NTRK3: variants seen among roughly 807,000 people sequenced by gnomAD.
NTRK3 encodes the protein NT-3 growth factor receptor.
NTRK3 carries 24 observed loss-of-function variants against 91.7 expected under a neutral mutation model. That is an observed-to-expected ratio of 0.26 (90% CI 0.19 to 0.37). The LOEUF (loss-of-function observed/expected upper bound fraction) is 0.37, where lower values mean the gene tolerates loss of function less well. Among genes scored for constraint, NTRK3 ranks in the 10% least tolerant of loss-of-function variants. The pLI is 1.00. For missense variants in NTRK3, 880 were observed against 1,068.9 expected (o/e 0.82, Z 2.46); for synonymous variants, 483 against 404.0 (o/e 1.20, Z -2.34).
chr15:88,101,584 A>G (rs1242838122), intron 13 of NTRK3, among the ~76,000 whole-genome samples: 2 of 152,264 alleles, frequency 1.3e-5, no homozygotes, highest in Non-Finnish European at 2.9e-5. Context: ...TTATCGCGGC[A>G]CTATTCACAA....
intron 5 of NTRK3, among the ~76,000 whole-genome samples, chr15:88,177,882 G>A (rs554657329): frequency 2.5e-4 from 38 of 152,252 alleles, no homozygotes; most frequent in East Asian, 1.7e-3. Context: ...CTTTCCAGAC[G>A]TTGTCTTATT....
intron 14 of NTRK3, among the ~76,000 whole-genome samples, chr15:88,000,833 C>T (rs1459159313): frequency 2.6e-5 from 4 of 152,148 alleles, no homozygotes; most frequent in African/African-American, 9.7e-5. Context: ...CAAGTTTTTG[C>T]ATGAACACGT....
At chr15:87,990,636 A>G (rs974078378) in intron 14 of NTRK3, among the ~76,000 whole-genome samples, 2 of 152,190 alleles carry the variant, frequency 1.3e-5, no homozygotes, top group African/African-American at 4.8e-5. Context: ...TTTGTTTCCA[A>G]AACTAACCCT....
intron 14 of NTRK3, among the ~76,000 whole-genome samples, chr15:88,024,055 C>T (rs2077815916): frequency 1.3e-5 from 2 of 152,216 alleles, no homozygotes; most frequent in Non-Finnish European, 2.9e-5. Context: ...CGCTGATGCA[C>T]TGTTAATACT....
chr15:87,870,572 C>G (rs1424379411), exon 19 of NTRK3: 1 of 206,716 alleles, frequency 4.8e-6, no homozygotes, highest in Non-Finnish European at 9.9e-6. Flanking sequence ...CCCCAATAAC[C>G]TATGGAAATA....
chr15:88,197,001 GGTCA>G (rs748806118), intron 3 of NTRK3, among the ~76,000 whole-genome samples: 5 of 145,628 alleles, frequency 3.4e-5, no homozygotes, highest in African/African-American at 5.1e-5. Context: ...CAGCAGAGAT[GGTCA>G]GTCAATTTTA....
At chr15:88,033,037 C>T (rs2142023847) in exon 14 of NTRK3, 2 of 1,583,454 alleles carry the variant, frequency 1.3e-6, no homozygotes, top group Non-Finnish European at 1.7e-6. Flanking sequence ...CTGATGACAG[C>T]CACGGGACCT....
chr15:88,126,193 G>A, intron 13 of NTRK3, 78 bp downstream of exon 13: 2 of 1,109,024 alleles, frequency 1.8e-6, no homozygotes, highest in East Asian at 4.9e-5. Flanking sequence ...AGCAATGGGA[G>A]ATTAAAACAG....
At chr15:88,168,179 T>C (rs1347603185) in intron 5 of NTRK3, among the ~76,000 whole-genome samples, 5 of 152,180 alleles carry the variant, frequency 3.3e-5, no homozygotes, top group Admixed American at 1.3e-4. Context: ...GACAAGAATA[T>C]TCTAGCACAA....
At chr15:88,036,216 A>C (rs1168379176) in intron 13 of NTRK3, among the ~76,000 whole-genome samples, 1 of 152,172 alleles carries the variant, frequency 6.6e-6, no homozygotes, top group East Asian at 1.9e-4. Flanking sequence ...ACACACGTAT[A>C]TCAAGGCACA....
chr15:88,079,970 T>C (rs1218187373), intron 13 of NTRK3, among the ~76,000 whole-genome samples: 1 of 152,234 alleles, frequency 6.6e-6, no homozygotes, highest in Admixed American at 6.5e-5. Flanking sequence ...TTATATTAAA[T>C]ACAATCTGAC....
chr15:87,933,943 G>C (rs1252917137), intron 15 of NTRK3, among the ~76,000 whole-genome samples: 1 of 152,178 alleles, frequency 6.6e-6, no homozygotes, highest in South Asian at 2.1e-4. Flanking sequence ...GCCTCTGTCA[G>C]GGTGAAAACT....
At chr15:87,966,958 C>T (rs1444979994) in intron 14 of NTRK3, among the ~76,000 whole-genome samples, 3 of 152,164 alleles carry the variant, frequency 2.0e-5, no homozygotes, top group Admixed American at 6.5e-5. Flanking sequence ...AAGCACCCAC[C>T]CTCAGTTGTC....
intron 12 of NTRK3, 48 bp from the exon 13 acceptor site, chr15:88,126,421 A>C (rs1222012289): frequency 7.7e-7 from 1 of 1,302,386 alleles, no homozygotes. Flanking sequence ...CAGAAAACCC[A>C]ATTTCCTTGA....
intron 3 of NTRK3, among the ~76,000 whole-genome samples, chr15:88,251,657 G>C (rs1295047126): frequency 6.6e-6 from 1 of 152,226 alleles, no homozygotes; most frequent in Non-Finnish European, 1.5e-5. Context: ...ACCCACCCAA[G>C]AGCCAGCTGA....
chr15:88,256,723 CAGAAAT>C, exon 1 of NTRK3: 1 of 362,166 alleles, frequency 2.8e-6, no homozygotes, highest in Middle Eastern at 6.9e-4. Context: ...CGCGCGGCTG[CAGAAAT>C]GTACAAGTGC....
intron 5 of NTRK3, among the ~76,000 whole-genome samples, chr15:88,167,381 G>A (rs2045067370): frequency 1.3e-5 from 2 of 151,976 alleles, no homozygotes; most frequent in African/African-American, 4.8e-5. Context: ...AGCAGCATAG[G>A]AAACAGCCCA....
intron 6 of NTRK3, among the ~76,000 whole-genome samples, chr15:88,143,191 C>G (rs998019478): frequency 1.3e-5 from 2 of 152,200 alleles, no homozygotes; most frequent in African/African-American, 4.8e-5. Flanking sequence ...CCTCTGCACT[C>G]TAGCCTGGGC....
intron 5 of NTRK3, among the ~76,000 whole-genome samples, chr15:88,151,252 A>C (rs1212021239): frequency 1.3e-5 from 2 of 152,080 alleles, no homozygotes; most frequent in East Asian, 1.9e-4. Flanking sequence ...CAAAGCCATT[A>C]ATTTTGTGCT....
Sources: allele counts gnomAD v4.1 joint callset (sites outside exome capture counted in the v4.1 genomes callset), GRCh38; gene constraint gnomAD v4.1.1; transcripts MANE v1.5; gene names NCBI Gene and HGNC (gene_info 2026-07-23, HGNC 2026-07-21).